Variants in COL4A5 observed in about 807,000 individuals in gnomAD.
The protein encoded by COL4A5 is collagen alpha-5(IV) chain.
Under a neutral mutation model 130.2 loss-of-function variants are expected in COL4A5, and 26 were observed. That is an observed-to-expected ratio of 0.20 (90% CI 0.15 to 0.28). The LOEUF (loss-of-function observed/expected upper bound fraction) is 0.28. Among genes scored for constraint, COL4A5 ranks in the 10% least tolerant of loss-of-function variants. The probability of loss-of-function intolerance (pLI) is 1.00; values close to 1 mark genes in which losing one functional copy is unlikely to be tolerated. For missense variants in COL4A5, 1,131 were observed against 1,344.3 expected, an observed-to-expected ratio of 0.84 and a Z score of 2.48; for synonymous variants, 496 against 439.6, an observed-to-expected ratio of 1.13 and a Z score of -1.60.
At chrX:108,546,439 C>A (rs755787653) in intron 2 of COL4A5, among the ~76,000 whole-genome samples, 2 of 112,110 alleles carry the variant, frequency 1.8e-5, no homozygotes, top group African/African-American at 6.5e-5. Context: ...TATTGGCCCC[C>A]ACTCTCTTCT....
chrX:108,498,184 A>T (rs2065049919), intron 1 of COL4A5, among the ~76,000 whole-genome samples: 1 of 111,717 alleles, frequency 9.0e-6, no homozygotes, highest in African/African-American at 3.2e-5. Context: ...AATGGTGTGA[A>T]TTAGAGGTTG....
Position 108,598,665 on chromosome X carries a change from A to G in COL4A5, c.1780-37A>G, listed in dbSNP as rs370495990. On this transcript the variant is annotated intron_variant, in intron 24 of 52. Coordinates refer to ENST00000328300, the MANE Select transcript of COL4A5 (RefSeq NM_033380.3). ...GTACCAACCTACAGATAGTTGTTGT[A>G]TCTATATGTTTCTGTATTAAACTTT... The G allele has an allele frequency of 1.3e-5, 15 of 1,148,093 alleles. No individual in the cohort carries two copies. In the African/African-American group the frequency reaches 2.5e-4, roughly 19 times the overall value. 94.6% of individuals were successfully genotyped at this position (1,148,093 alleles called of 1,213,427 possible).
intron 50 of COL4A5, chrX:108,694,040 G>GGTGTGT (rs1158248123): frequency 1.2e-5 from 1 of 84,625 alleles, no homozygotes; most frequent in African/African-American, 5.4e-5. Flanking sequence ...TGGGAATTTG[G>GGTGTGT]GTGTATGTGT....
chrX:108,568,987 A>T (rs1040947328), intron 6 of COL4A5, 166 bp downstream of exon 6: 13 of 446,544 alleles, frequency 2.9e-5, no homozygotes, highest in Admixed American at 8.0e-5. Flanking sequence ...TGAACTATCA[A>T]TAATTTCATT....
At chrX:108,661,864 A>G (rs2067962439) in intron 37 of COL4A5, among the ~76,000 whole-genome samples, 1 of 110,638 alleles carries the variant, frequency 9.0e-6, no homozygotes, top group South Asian at 3.8e-4. Context: ...TTTATTGTTA[A>G]TGTGTGGGTT....
At chrX:108,684,651 C>G (rs1274692700) in intron 47 of COL4A5, among the ~76,000 whole-genome samples, 2 of 112,700 alleles carry the variant, frequency 1.8e-5, no homozygotes, top group Non-Finnish European at 3.7e-5. Context: ...CAGACGGCTT[C>G]ACAGCCAAAT....
At chrX:108,495,290 A>G (rs981709429) in intron 1 of COL4A5, among the ~76,000 whole-genome samples, 4 of 111,435 alleles carry the variant, frequency 3.6e-5, no homozygotes, top group African/African-American at 1.3e-4. Context: ...ATCATCACCT[A>G]GAGCTAGATG....
chrX:108,497,234 T>A (rs182638665), intron 1 of COL4A5, among the ~76,000 whole-genome samples: 1 of 112,659 alleles, frequency 8.9e-6, no homozygotes, highest in African/African-American at 3.2e-5. Context: ...CATTACATTG[T>A]ATGGATATAC....
intron 42 of COL4A5, chrX:108,670,451 T>A: frequency 3.7e-6 from 1 of 268,753 alleles, no homozygotes; most frequent in Non-Finnish European, 5.1e-6. Flanking sequence ...AAAACTAATT[T>A]AACATTTAAA....
intron 37 of COL4A5, among the ~76,000 whole-genome samples, chrX:108,662,525 C>G (rs766056362): frequency 2.7e-5 from 3 of 111,420 alleles, no homozygotes; most frequent in Non-Finnish European, 5.7e-5. Context: ...TCTCAGGATA[C>G]AAAATCAGTG....
intron 1 of COL4A5, among the ~76,000 whole-genome samples, chrX:108,490,631 T>C (rs1405475277): frequency 1.8e-5 from 2 of 112,238 alleles, no homozygotes; most frequent in African/African-American, 6.5e-5. Flanking sequence ...TTAATGAGTA[T>C]TTTTATGTAA....
At chrX:108,641,983 C>T (rs1603303226) in intron 36 of COL4A5, among the ~76,000 whole-genome samples, 1 of 111,841 alleles carries the variant, frequency 8.9e-6, no homozygotes, top group East Asian at 2.8e-4. Flanking sequence ...TGGCAGGTAG[C>T]CTGCGGCAAG....
At chrX:108,687,445 T>C in intron 48 of COL4A5, 37 bp from the exon 49 acceptor site, 1 of 1,111,354 alleles carries the variant, frequency 9.0e-7, no homozygotes, top group African/African-American at 1.8e-5. Flanking sequence ...GATCAGAGCT[T>C]ACTTAATCTT....
chrX:108,522,579 G>T (rs1041140812), intron 1 of COL4A5, among the ~76,000 whole-genome samples: 3 of 105,253 alleles, frequency 2.9e-5, no homozygotes, highest in Admixed American at 1.1e-4. Context: ...CCCATAAAAA[G>T]ATATATATAT....
intron 1 of COL4A5, among the ~76,000 whole-genome samples, chrX:108,525,351 A>G (rs1169017354): frequency 9.0e-6 from 1 of 111,424 alleles, no homozygotes; most frequent in Non-Finnish European, 1.9e-5. Context: ...GTATTTTTCA[A>G]TCCTTGTAGT....
In COL4A5 at chrX:108,571,957, G is replaced by T; in HGVS notation, c.465+120G>T. ...ATCGATGTTTCTAGAAGTTGTGCAGGTGTAAACTTACAAGCTCTCCTTAAG... is the reference window on the plus strand; with the variant it reads ...ATCGATGTTTCTAGAAGTTGTGCAGTTGTAAACTTACAAGCTCTCCTTAAG... On this transcript the variant is annotated intron_variant, in intron 8 of 52. Transcript: ENST00000328300. 1.4e-5 allele frequency: 8 copies of T among 588,057 alleles called. No individual in the cohort carries two copies. The South Asian group carries it at 2.1e-4, about 15-fold the overall frequency. The allele number at this position is 588,057 out of a possible 1,213,427, so 48.5% of individuals were successfully genotyped here. A position where few individuals can be genotyped will look rare whatever the true frequency, so the allele number is the denominator to read the frequency against.
intron 36 of COL4A5, among the ~76,000 whole-genome samples, chrX:108,653,899 A>T (rs1392791377): frequency 8.9e-6 from 1 of 112,200 alleles, no homozygotes; most frequent in African/African-American, 3.2e-5. Flanking sequence ...TTGATTTACA[A>T]GGTTCAGAAA....
At chrX:108,477,503 A>C (rs1209107731) in intron 1 of COL4A5, among the ~76,000 whole-genome samples, 2 of 111,740 alleles carry the variant, frequency 1.8e-5, no homozygotes, top group Non-Finnish European at 3.8e-5. Context: ...TACATGCACA[A>C]ACATGTTTTT....
At chrX:108,440,271 T>G (rs1044456031) in intron 1 of COL4A5, 65 bp downstream of exon 1, 116 of 632,881 alleles carry the variant, frequency 1.8e-4, no homozygotes, top group Admixed American at 4.0e-4. Context: ...ACCTTTTTTT[T>G]GGGGGGGGGG....
Sources: allele counts gnomAD v4.1 joint callset (sites outside exome capture counted in the v4.1 genomes callset), GRCh38; gene constraint gnomAD v4.1.1; transcripts MANE v1.5; gene names NCBI Gene and HGNC (gene_info 2026-07-23, HGNC 2026-07-21).